Variants in CMC1 observed in about 807,000 individuals in gnomAD.
CMC1 encodes C-X9-C motif containing 1, also known as COX assembly mitochondrial protein homolog.
In CMC1, 14 loss-of-function variants were observed where a neutral mutation model predicts 14.1. That is an observed-to-expected ratio of 0.99 (90% CI 0.66 to 1.55). The LOEUF is 1.55. Ranked by LOEUF, CMC1 falls within the 40% of genes most tolerant of loss-of-function variation. The probability of loss-of-function intolerance (pLI) is 0.00; values close to 1 mark genes in which losing one functional copy is unlikely to be tolerated. For synonymous variants in CMC1, 50 were observed against 38.4 expected, an observed-to-expected ratio of 1.30 and a Z score of -1.12; for missense variants, 127 against 123.8, an observed-to-expected ratio of 1.03 and a Z score of -0.12.
chr3:28,323,946 T>A lies in CMC1; in HGVS notation c.*4317T>A. 1 of 1,405,648 alleles carries A rather than the reference T, an allele frequency of 7.1e-7. No homozygotes were observed. Among genetic ancestry groups the A allele is most frequent in the Non-Finnish European group, 9.7e-7 (1 of 1,035,254 alleles). 87.1% of individuals were successfully genotyped at this position (1,405,648 alleles called of 1,614,324 possible). On this transcript the variant is annotated 3_prime_UTR_variant, in exon 4 of 4. Transcript: ENST00000466830. ...GATACTGAAGACCTCTGCAAAATTT[T>A]AATCAAAATCTCCTTTCAGTTTGTT...
At chr3:28,248,913 C>A (rs1256566445) in intron 1 of CMC1, among the ~76,000 whole-genome samples, 2 of 152,158 alleles carry the variant, frequency 1.3e-5, no homozygotes, top group Admixed American at 1.3e-4. Context: ...CCTCAGTCTC[C>A]TAAGTAGCTG....
rs373650308 is a variant in CMC1, at chr3:28,251,672, T to A, written c.19+9860T>A. 7.2e-5 allele frequency among the ~76,000 whole-genome samples: 11 copies of A among 152,148 alleles called. 1 individual carries two copies. In the East Asian group the frequency reaches 1.5e-3, roughly 21 times the overall value. Reference sequence around the variant, plus strand: ...AAAAACCCTTCAATATAAAAATAATTCTCCTATTCCATTATCAAAGTATTA... The same window carrying A: ...AAAAACCCTTCAATATAAAAATAATACTCCTATTCCATTATCAAAGTATTA... On this transcript the variant is annotated intron_variant, in intron 1 of 3. Transcript: ENST00000466830.
At chr3:28,276,750 A>G (rs904654146) in intron 2 of CMC1, among the ~76,000 whole-genome samples, 1 of 152,170 alleles carries the variant, frequency 6.6e-6, no homozygotes, top group African/African-American at 2.4e-5. Flanking sequence ...ACTGAAATAC[A>G]TTTTTATAGG....
At chr3:28,256,398 G>T (rs947863116) in intron 1 of CMC1, among the ~76,000 whole-genome samples, 2 of 151,946 alleles carry the variant, frequency 1.3e-5, no homozygotes, top group Admixed American at 1.3e-4. Context: ...TACTCTTAAG[G>T]CCTTTGAACT....
intron 2 of CMC1, among the ~76,000 whole-genome samples, chr3:28,299,829 T>C (rs547583643): frequency 6.6e-6 from 1 of 152,258 alleles, no homozygotes; most frequent in South Asian, 2.1e-4. Flanking sequence ...GAAATAAAAA[T>C]AGAGTCTGTA....
intron 2 of CMC1, among the ~76,000 whole-genome samples, chr3:28,274,219 T>TTGTTTTG (rs1700455263): frequency 7.9e-6 from 1 of 126,196 alleles, no homozygotes; most frequent in African/African-American, 3.2e-5. Flanking sequence ...TTTGTTTTTT[T>TTGTTTTG]CTTTTTTTTT....
intron 1 of CMC1, among the ~76,000 whole-genome samples, chr3:28,259,265 G>C (rs188616382): frequency 6.6e-6 from 1 of 151,784 alleles, no homozygotes; most frequent in Non-Finnish European, 1.5e-5. Context: ...ATTCTCAGTG[G>C]GTGTGATAAC....
chr3:28,279,982 T>G (rs1243955540), intron 2 of CMC1, among the ~76,000 whole-genome samples: 1 of 152,146 alleles, frequency 6.6e-6, no homozygotes, highest in Non-Finnish European at 1.5e-5. Context: ...AGTGTATCTA[T>G]CAGTAGCCAA....
chr3:28,316,441 C>T lies in CMC1; in HGVS notation c.200+18C>T, dbSNP rs766363209. 5.5e-6 allele frequency: 8 copies of T among 1,448,480 alleles called. No homozygotes were observed. Among genetic ancestry groups the T allele is most frequent in the African/African-American group, 1.4e-5 (1 of 70,270 alleles). The allele number at this position is 1,448,480 out of a possible 1,614,324, so 89.7% of individuals were successfully genotyped here. A position where few individuals can be genotyped will look rare whatever the true frequency, so the allele number is the denominator to read the frequency against. The stretch of plus-strand genomic sequence containing the variant: ...ACTGCTTAGTAAGTAGTTGTCTCAG[C>T]GTTTGTGCTTGTATGTGTATTTGTG... On this transcript the variant is annotated intron_variant, in intron 3 of 3. Coordinates refer to ENST00000466830, the MANE Select transcript of CMC1 (RefSeq NM_182523.2).
intron 2 of CMC1, among the ~76,000 whole-genome samples, chr3:28,282,095 T>C (rs1700927675): frequency 1.3e-5 from 2 of 152,238 alleles, no homozygotes; most frequent in Non-Finnish European, 2.9e-5. Context: ...TTTTTTCCTC[T>C]TTCTCTTCTG....
intron 2 of CMC1, among the ~76,000 whole-genome samples, chr3:28,302,485 G>A (rs1216843035): frequency 6.6e-6 from 1 of 152,170 alleles, no homozygotes; most frequent in Non-Finnish European, 1.5e-5. Flanking sequence ...TTTTAAAAAA[G>A]ATAGAGGGAT....
chr3:28,276,282 A>C (rs1700587106), intron 2 of CMC1, among the ~76,000 whole-genome samples: 1 of 152,080 alleles, frequency 6.6e-6, no homozygotes, highest in African/African-American at 2.4e-5. Context: ...TAAATGACAA[A>C]ATTAGTGAGA....
rs150451231 is a variant in CMC1 at position 28,296,274 on chromosome 3, A to G, written c.110-20059A>G. Among the ~76,000 whole-genome samples, 85 of 152,188 alleles carry G rather than the reference A, an allele frequency of 5.6e-4. 1 individual carries two copies. In the East Asian group the frequency reaches 0.015, roughly 28 times the overall value. ...TAACCATGTAATATTTTATACTAAA[A>G]CCAGATGACTTAGGAAATAACTTCC... On this transcript the variant is annotated intron_variant, in intron 2 of 3. Transcript: ENST00000466830.
intron 2 of CMC1, among the ~76,000 whole-genome samples, chr3:28,270,901 A>G (rs943629405): frequency 7.3e-5 from 10 of 136,966 alleles, no homozygotes; most frequent in African/African-American, 2.7e-4. Flanking sequence ...TATGTCTTTA[A>G]TTCATCTTGA....
At chr3:28,259,534 G>A (rs973607413) in intron 1 of CMC1, among the ~76,000 whole-genome samples, 2 of 152,076 alleles carry the variant, frequency 1.3e-5, no homozygotes, top group African/African-American at 4.8e-5. Context: ...GTTGATTCAG[G>A]TACTAATCTT....
Position 28,298,351 on chromosome 3 carries a change from G to GT in CMC1, c.110-17981dup, listed in dbSNP as rs1187492037. ...AGACACTAGGAAAAGCACATCCGAG[G>GT]TAAGTAACACTGATGAATATTTAGT... On this transcript the variant is annotated intron_variant, in intron 2 of 3. Coordinates refer to ENST00000466830, the MANE Select transcript of CMC1 (RefSeq NM_182523.2). The GT allele has an allele frequency of 3.3e-5, 5 of 151,376 alleles. No homozygotes were observed. In the Admixed American group the frequency reaches 3.3e-4, roughly 10 times the overall value. 9.4% of individuals were successfully genotyped at this position (151,376 alleles called of 1,614,324 possible). A position where few individuals can be genotyped will look rare whatever the true frequency, so the allele number is the denominator to read the frequency against.
chr3:28,283,543 AACAAAAAC>A (rs1415020887), intron 2 of CMC1, among the ~76,000 whole-genome samples: 5 of 102,174 alleles, frequency 4.9e-5, no homozygotes, highest in African/African-American at 1.4e-4. Flanking sequence ...CAACAACAAC[AACAAAAAC>A]AAAAAAAAAA....
intron 2 of CMC1, among the ~76,000 whole-genome samples, chr3:28,277,342 A>G (rs185228088): frequency 6.6e-6 from 1 of 152,314 alleles, no homozygotes; most frequent in Admixed American, 6.5e-5. Flanking sequence ...ATAATTTTAC[A>G]AAGCAAATAA....
At chr3:28,302,908 G>A (rs1702127573) in intron 2 of CMC1, among the ~76,000 whole-genome samples, 2 of 152,132 alleles carry the variant, frequency 1.3e-5, no homozygotes, top group Admixed American at 6.5e-5. Context: ...TCTGCCAAGC[G>A]TAGGAGTTTT....
Sources: allele counts gnomAD v4.1 joint callset (sites outside exome capture counted in the v4.1 genomes callset), GRCh38; gene constraint gnomAD v4.1.1; transcripts MANE v1.5; gene names NCBI Gene and HGNC (gene_info 2026-07-23, HGNC 2026-07-21).